JADE3: variants seen among roughly 807,000 people sequenced by gnomAD.
The protein encoded by JADE3 is jade family PHD finger 3.
A neutral mutation model predicts 50.1 loss-of-function variants in JADE3; 2 were observed. That is an observed-to-expected ratio of 0.04 (90% CI 0.02 to 0.13). The LOEUF (loss-of-function observed/expected upper bound fraction) is 0.13. Ranked by LOEUF, JADE3 falls within the 10% of genes least tolerant of loss-of-function variation. The pLI is 1.00. For synonymous variants in JADE3, 218 were observed against 232.9 expected, an observed-to-expected ratio of 0.94 and a Z score of 0.58; for missense variants, 475 against 634.4, an observed-to-expected ratio of 0.75 and a Z score of 2.70.
At chrX:47,032,773 G>T (rs1346464011) in intron 6 of JADE3, among the ~76,000 whole-genome samples, 3 of 111,200 alleles carry the variant, frequency 2.7e-5, no homozygotes, top group African/African-American at 6.5e-5. Context: ...ACCAGGTTGT[G>T]GGGGGACCGA....
At chrX:47,033,824 C>G (rs373978956) in intron 7 of JADE3, 36 bp downstream of exon 7, 5 of 1,079,147 alleles carry the variant, frequency 4.6e-6, no homozygotes, top group Non-Finnish European at 6.2e-6. Flanking sequence ...ACCATTTGCT[C>G]CAGGGTGTCC....
intron 1 of JADE3, among the ~76,000 whole-genome samples, chrX:46,966,144 T>C (rs1927361596): frequency 8.9e-6 from 1 of 111,828 alleles, no homozygotes; most frequent in Admixed American, 9.5e-5. Flanking sequence ...GGGTAAGATA[T>C]AGGAAAGAGT....
chrX:46,953,606 A>G (rs1927055017), intron 1 of JADE3, among the ~76,000 whole-genome samples: 1 of 111,868 alleles, frequency 8.9e-6, no homozygotes, highest in African/African-American at 3.3e-5. Context: ...CCCTTAAAGT[A>G]TTTATATCTC....
chrX:47,027,142 A>G (rs1316838002), intron 5 of JADE3, among the ~76,000 whole-genome samples: 1 of 112,165 alleles, frequency 8.9e-6, no homozygotes, highest in Non-Finnish European at 1.9e-5. Context: ...AAGTTGTTAG[A>G]ATAAATACAT....
At chrX:47,039,167 C>T (rs1213869630) in intron 8 of JADE3, 102 bp downstream of exon 8, 2 of 457,399 alleles carry the variant, frequency 4.4e-6, no homozygotes, top group Non-Finnish European at 7.7e-6. Flanking sequence ...CTCAGGAGAT[C>T]GCCCACCCAC....
chrX:46,915,849 A>T (rs1314898526), intron 1 of JADE3, among the ~76,000 whole-genome samples: 1 of 111,515 alleles, frequency 9.0e-6, no homozygotes, highest in Admixed American at 9.5e-5. Context: ...CAGCCGACTG[A>T]ATAAAGGACC....
At chrX:46,977,878 G>T (rs2147127941) in intron 1 of JADE3, among the ~76,000 whole-genome samples, 1 of 111,641 alleles carries the variant, frequency 9.0e-6, no homozygotes, top group East Asian at 2.8e-4. Flanking sequence ...CCAGTTCTTG[G>T]GAAGAGAGGG....
chrX:46,913,651 T>C (rs1926018966), intron 1 of JADE3, among the ~76,000 whole-genome samples: 1 of 110,898 alleles, frequency 9.0e-6, no homozygotes, highest in African/African-American at 3.3e-5. Context: ...AGCCAGTGCT[T>C]CGGTGGAGTC....
intron 3 of JADE3, among the ~76,000 whole-genome samples, chrX:46,991,770 A>G (rs1233114116): frequency 1.8e-5 from 2 of 111,635 alleles, no homozygotes; most frequent in Non-Finnish European, 3.8e-5. Flanking sequence ...CTCTTGGCTC[A>G]AGGTCTCTTT....
At chrX:47,037,438 T>G (rs1929158673) in intron 7 of JADE3, among the ~76,000 whole-genome samples, 1 of 111,797 alleles carries the variant, frequency 8.9e-6, no homozygotes, top group African/African-American at 3.3e-5. Flanking sequence ...TAATAGATAC[T>G]CGATTTAGTT....
At chrX:46,966,899 A>C (rs944480265) in intron 1 of JADE3, among the ~76,000 whole-genome samples, 8 of 112,141 alleles carry the variant, frequency 7.1e-5, no homozygotes, top group South Asian at 7.4e-4. Flanking sequence ...TGTTCATAGA[A>C]AATCATCCAT....
intron 7 of JADE3, among the ~76,000 whole-genome samples, chrX:47,035,141 C>T (rs1929107207): frequency 2.7e-5 from 3 of 110,393 alleles, no homozygotes; most frequent in African/African-American, 9.9e-5. Flanking sequence ...CCACTCATGC[C>T]CTCTCTCCCC....
chrX:46,948,280 G>A (rs782253123), intron 1 of JADE3, among the ~76,000 whole-genome samples: 4 of 111,879 alleles, frequency 3.6e-5, no homozygotes, highest in Middle Eastern at 4.6e-3. Flanking sequence ...GAAGGAGCAC[G>A]CAAAGGAATG....
intron 1 of JADE3, among the ~76,000 whole-genome samples, chrX:46,916,180 A>AT (rs1393661139): frequency 1.8e-5 from 2 of 112,467 alleles, no homozygotes; most frequent in African/African-American, 6.5e-5. Context: ...TTAAAAACTT[A>AT]TTTTGATAAT....
intron 4 of JADE3, among the ~76,000 whole-genome samples, chrX:47,009,580 A>C (rs1157581315): frequency 1.8e-5 from 2 of 110,402 alleles, no homozygotes; most frequent in Non-Finnish European, 3.8e-5. Flanking sequence ...AACAGGAGGA[A>C]ACTAAGCCTT....
At chrX:46,970,748 G>A (rs1927465395) in intron 1 of JADE3, among the ~76,000 whole-genome samples, 1 of 111,466 alleles carries the variant, frequency 9.0e-6, no homozygotes, top group Non-Finnish European at 1.9e-5. Flanking sequence ...TATAAGGCAT[G>A]TTACGTTGTT....
intron 1 of JADE3, among the ~76,000 whole-genome samples, chrX:46,950,667 G>T (rs1428070710): frequency 1.8e-5 from 2 of 111,849 alleles, no homozygotes; most frequent in Middle Eastern, 4.6e-3. Flanking sequence ...GAGTAGAATT[G>T]CTGGGCTGTA....
intron 8 of JADE3, among the ~76,000 whole-genome samples, chrX:47,046,042 C>T (rs782242436): frequency 9.2e-6 from 1 of 109,080 alleles, no homozygotes; most frequent in East Asian, 2.9e-4. Flanking sequence ...AAGATCAGAG[C>T]AGAAATAAGT....
chrX:47,015,351 G>A (rs926161618), intron 4 of JADE3, among the ~76,000 whole-genome samples: 7 of 111,690 alleles, frequency 6.3e-5, no homozygotes, highest in Non-Finnish European at 1.1e-4. Context: ...GGAGGCCAAG[G>A]TGAGTGGATC....
Sources: gnomAD v4.1 joint callset for allele counts (sites outside exome capture counted in the v4.1 genomes callset) on GRCh38, gnomAD v4.1.1 for gene constraint, MANE v1.5 for transcripts, NCBI Gene and HGNC (gene_info 2026-07-23, HGNC 2026-07-21) for gene names.